IL20RA: variants seen among roughly 807,000 people sequenced by gnomAD.
IL20RA encodes the protein interleukin 20 receptor subunit alpha, also known as interleukin-20 receptor subunit alpha.
In IL20RA, 29 loss-of-function variants were observed where a neutral mutation model predicts 36.5. The observed-to-expected ratio is 0.79, with a 90% CI of 0.59 to 1.08. The LOEUF is 1.08. Ranked by LOEUF, IL20RA falls within the 50% of genes least tolerant of loss-of-function variation. The pLI, the probability that IL20RA is intolerant of heterozygous loss-of-function variation, is 0.00. For synonymous variants in IL20RA, 279 were observed against 267.1 expected (o/e 1.04, Z -0.43); for missense variants, 652 against 668.4 (o/e 0.98, Z 0.27).
intron 1 of IL20RA, among the ~76,000 whole-genome samples, chr6:137,034,668 C>T (rs150867829): frequency 1.1e-3 from 160 of 152,180 alleles, no homozygotes; most frequent in African/African-American, 3.5e-3. Flanking sequence ...GGGCCAGGTG[C>T]GGTGGCTCAC....
intron 1 of IL20RA, among the ~76,000 whole-genome samples, chr6:137,032,474 G>A (rs566192781): frequency 6.6e-6 from 1 of 152,288 alleles, no homozygotes; most frequent in African/African-American, 2.4e-5. Context: ...CAGTGGACGA[G>A]GAGGGGCTGA....
chr6:137,037,793 G>T (rs571798698), intron 1 of IL20RA: 1 of 152,382 alleles, frequency 6.6e-6, no homozygotes, highest in East Asian at 1.9e-4. Flanking sequence ...GGAGAGGAAA[G>T]AAGACACAGA....
intron 1 of IL20RA, among the ~76,000 whole-genome samples, chr6:137,022,540 G>A (rs1013743320): frequency 7.2e-5 from 11 of 152,218 alleles, no homozygotes; most frequent in South Asian, 2.1e-4. Context: ...ACATCAGTTC[G>A]ACACTCATCT....
At chr6:137,038,653 T>C (rs1776575079) in intron 1 of IL20RA, among the ~76,000 whole-genome samples, 1 of 152,192 alleles carries the variant, frequency 6.6e-6, no homozygotes, top group Non-Finnish European at 1.5e-5. Context: ...AAAAGTATAA[T>C]GTTATAATTA....
intron 1 of IL20RA, among the ~76,000 whole-genome samples, chr6:137,023,765 C>T (rs1775991068): frequency 6.6e-6 from 1 of 152,144 alleles, no homozygotes; most frequent in Non-Finnish European, 1.5e-5. Flanking sequence ...AATACTCATG[C>T]TTTTATCTAT....
At chr6:137,025,392 AC>A (rs1288493824) in intron 1 of IL20RA, among the ~76,000 whole-genome samples, 1 of 152,144 alleles carries the variant, frequency 6.6e-6, no homozygotes, top group Non-Finnish European at 1.5e-5. Flanking sequence ...CTCTCCATCC[AC>A]CAAATCTGCC....
intron 1 of IL20RA, among the ~76,000 whole-genome samples, chr6:137,025,871 C>T (rs1164919343): frequency 6.6e-6 from 1 of 152,170 alleles, no homozygotes; most frequent in Non-Finnish European, 1.5e-5. Context: ...TACGTGAGTG[C>T]CTGATGAACA....
At chr6:137,021,803 A>C (rs276479) in intron 1 of IL20RA, among the ~76,000 whole-genome samples, 124,602 of 151,918 alleles carry the variant, frequency 0.82, 56,443 homozygotes, top group East Asian at 1. Flanking sequence ...GTTGGCATAT[A>C]ATAAAAATAG....
At chr6:137,041,804 A>AT (rs1044042485) in intron 1 of IL20RA, among the ~76,000 whole-genome samples, 6 of 142,414 alleles carry the variant, frequency 4.2e-5, no homozygotes, top group African/African-American at 1.1e-4. Context: ...AGACCCTGTT[A>AT]TTTTTTTTTA....
Position 137,004,159 on chromosome 6 carries a change from C to CT in IL20RA, c.864+461dup, listed in dbSNP as rs140038413. Among the ~76,000 whole-genome samples the CT allele has an allele frequency of 5.1e-3, 446 of 88,016 alleles. 37 individuals carry two copies. Among genetic ancestry groups the CT allele is most frequent in the African/African-American group, 0.023 (415 of 18,046 alleles). 57.7% of individuals were successfully genotyped at this position (88,016 alleles called of 152,430 possible). A position where few individuals can be genotyped will look rare whatever the true frequency, so the allele number is the denominator to read the frequency against. On this transcript the variant is annotated intron_variant, in intron 6 of 6. Transcript: ENST00000316649. Reference sequence around the variant, plus strand: ...TCTGTTAGTCAGCTAATCCAGAAAGCTTTTTTTTTTTTTTTTTTTTTTTTT... The same window carrying CT: ...TCTGTTAGTCAGCTAATCCAGAAAGCTTTTTTTTTTTTTTTTTTTTTTTTTT...
intron 1 of IL20RA, among the ~76,000 whole-genome samples, chr6:137,031,980 G>A (rs1188869104): frequency 6.7e-6 from 1 of 149,194 alleles, no homozygotes; most frequent in Non-Finnish European, 1.5e-5. Context: ...TTGAACCTGG[G>A]AGGCAGAGGT....
At chr6:137,003,657 T>C (rs1332956334) in intron 6 of IL20RA, among the ~76,000 whole-genome samples, 2 of 152,244 alleles carry the variant, frequency 1.3e-5, no homozygotes, top group East Asian at 3.8e-4. Context: ...CTGACTATGA[T>C]GCTCCTAACC....
chr6:137,002,820 G>T (rs2115360397), intron 6 of IL20RA, among the ~76,000 whole-genome samples: 1 of 152,288 alleles, frequency 6.6e-6, no homozygotes, highest in Admixed American at 6.5e-5. Flanking sequence ...GGATATACTT[G>T]AAATGCAGAC....
At chr6:137,010,936 A>G (rs1277164772) in intron 3 of IL20RA, among the ~76,000 whole-genome samples, 1 of 151,956 alleles carries the variant, frequency 6.6e-6, no homozygotes, top group African/African-American at 2.4e-5. Flanking sequence ...TAAACCTTTC[A>G]CTCTAAAGAT....
chr6:137,009,458 T>C lies in IL20RA; in HGVS notation c.438A>G (p.Thr146=). ...GGACAACAGAAATGGACTTCTCATC[T>C]GTAGTCAGTGCCACCTCTGGTGGGC... ...QIGPPEVALT[T]DEKSISVVLT... Residue 146 remains threonine, a synonymous_variant, in exon 4 of 7, where the codon ACA becomes ACG. Transcript: ENST00000316649. The C allele has an allele frequency of 6.2e-7, 1 of 1,613,040 alleles. No homozygotes were observed.
intron 3 of IL20RA, among the ~76,000 whole-genome samples, chr6:137,010,525 C>T (rs1284543895): frequency 3.9e-5 from 6 of 152,072 alleles, no homozygotes; most frequent in Non-Finnish European, 8.8e-5. Context: ...GGGTAGTTTT[C>T]TGACCTCTGA....
intron 1 of IL20RA, among the ~76,000 whole-genome samples, chr6:137,028,414 TAAAA>T (rs36068116): frequency 8.5e-5 from 10 of 117,256 alleles, no homozygotes; most frequent in Admixed American, 8.5e-5. Context: ...AGACTCCATC[TAAAA>T]AAAAAAAAAA....
In IL20RA at chr6:137,004,849, G is replaced by A; in HGVS notation, c.725-89C>T. ...GATGGGAAAAACCTCGTATCGTTAA[G>A]CTGCTTCTGTGCAGATCACTTACAT... is the stretch of plus-strand genomic sequence containing the variant. On this transcript the variant is annotated intron_variant, in intron 5 of 6. Transcript: ENST00000316649. 2 of 1,237,438 alleles carry A rather than the reference G, an allele frequency of 1.6e-6. 1 individual carries two copies. Among genetic ancestry groups the A allele is most frequent in the Non-Finnish European group, 2.3e-6 (2 of 888,486 alleles). The allele number at this position is 1,237,438 out of a possible 1,614,324, so 76.7% of individuals were successfully genotyped here. A position where few individuals can be genotyped will look rare whatever the true frequency, so the allele number is the denominator to read the frequency against.
intron 2 of IL20RA, among the ~76,000 whole-genome samples, chr6:137,014,657 A>G (rs1450962122): frequency 6.6e-6 from 1 of 152,196 alleles, no homozygotes; most frequent in Non-Finnish European, 1.5e-5. Flanking sequence ...ATTTTAGATG[A>G]CATTTAATGG....
Sources: gnomAD v4.1 joint callset for allele counts (sites outside exome capture counted in the v4.1 genomes callset) on GRCh38, gnomAD v4.1.1 for gene constraint, MANE v1.5 for transcripts, NCBI Gene and HGNC (gene_info 2026-07-23, HGNC 2026-07-21) for gene names.